LMNTD1: variants seen among roughly 807,000 people sequenced by gnomAD.
The protein encoded by LMNTD1 is lamin tail domain-containing protein 1.
Under a neutral mutation model 50.9 loss-of-function variants are expected in LMNTD1, and 35 were observed. The ratio of observed to expected loss-of-function variants is 0.69; its 90% CI spans 0.53 to 0.91. The LOEUF (loss-of-function observed/expected upper bound fraction) is 0.91, where lower values mean the gene tolerates loss of function less well. LMNTD1 is among the 40% of genes least tolerant of loss of function. The pLI, the probability that LMNTD1 is intolerant of heterozygous loss-of-function variation, is 0.00. For missense variants in LMNTD1, 470 were observed against 475.5 expected, an observed-to-expected ratio of 0.99 and a Z score of 0.11; for synonymous variants, 153 against 161.9, an observed-to-expected ratio of 0.94 and a Z score of 0.42.
intron 1 of LMNTD1, among the ~76,000 whole-genome samples, chr12:25,575,000 G>A (rs773413816): frequency 6.6e-6 from 1 of 152,142 alleles, no homozygotes; most frequent in African/African-American, 2.4e-5. Context: ...CTAAAAGACA[G>A]GCAAAGACCT....
intron 1 of LMNTD1, among the ~76,000 whole-genome samples, chr12:25,620,938 C>T (rs1000339900): frequency 6.6e-6 from 1 of 152,124 alleles, no homozygotes; most frequent in African/African-American, 2.4e-5. Context: ...TGGAGAGAAA[C>T]CAAAGCAATC....
chr12:25,638,953 T>C (rs1254770886), intron 1 of LMNTD1, among the ~76,000 whole-genome samples: 6 of 152,210 alleles, frequency 3.9e-5, no homozygotes, highest in Admixed American at 3.9e-4. Flanking sequence ...TGTGGTCCTC[T>C]GGCAGTGGGT....
intron 1 of LMNTD1, among the ~76,000 whole-genome samples, chr12:25,618,043 A>G (rs1475161019): frequency 6.6e-6 from 1 of 151,966 alleles, no homozygotes; most frequent in Non-Finnish European, 1.5e-5. Flanking sequence ...AACTTATCTC[A>G]TCTGACCCCT....
chr12:25,563,087 T>C (rs1238399421), intron 1 of LMNTD1, among the ~76,000 whole-genome samples: 1 of 152,230 alleles, frequency 6.6e-6, no homozygotes, highest in Non-Finnish European at 1.5e-5. Context: ...TCGAACATCC[T>C]CCTTTAGCTC....
chr12:25,643,339 A>G (rs932129797), intron 1 of LMNTD1, among the ~76,000 whole-genome samples: 2 of 152,332 alleles, frequency 1.3e-5, no homozygotes, highest in East Asian at 1.9e-4. Flanking sequence ...CAGCAAGGCC[A>G]GAGACCCCGA....
chr12:25,628,694 G>A (rs1269748541), intron 1 of LMNTD1, among the ~76,000 whole-genome samples: 1 of 152,144 alleles, frequency 6.6e-6, no homozygotes, highest in Non-Finnish European at 1.5e-5. Context: ...CGACAATGAA[G>A]CAAACATTTG....
upstream of LMNTD1, chr12:25,557,314 A>C (rs1202951159): frequency 6.6e-6 from 1 of 152,140 alleles, no homozygotes. Context: ...TGGAAGTTTC[A>C]AGTTTCAGAC....
chr12:25,506,254 GTGGC>G (rs1245328570), intron 8 of LMNTD1, among the ~76,000 whole-genome samples: 1 of 152,208 alleles, frequency 6.6e-6, no homozygotes, highest in Non-Finnish European at 1.5e-5. Context: ...TTTTCACAGT[GTGGC>G]TTTGCCACAC....
chr12:25,606,124 G>A (rs1016063635), intron 1 of LMNTD1, among the ~76,000 whole-genome samples: 13 of 152,098 alleles, frequency 8.5e-5, no homozygotes, highest in Non-Finnish European at 1.5e-4. Flanking sequence ...TCATGATTTG[G>A]CTCTCTGTTT....
At chr12:25,613,426 A>G (rs928457078) in intron 1 of LMNTD1, among the ~76,000 whole-genome samples, 2 of 152,196 alleles carry the variant, frequency 1.3e-5, no homozygotes, top group Non-Finnish European at 2.9e-5. Flanking sequence ...AGGTTAAAAC[A>G]ATACCTGATC....
intron 8 of LMNTD1, among the ~76,000 whole-genome samples, chr12:25,515,547 G>C (rs1374468707): frequency 6.6e-6 from 1 of 151,972 alleles, no homozygotes; most frequent in Non-Finnish European, 1.5e-5. Context: ...CAATTAAAGG[G>C]AACTTCAAAT....
At chr12:25,619,526 CT>C (rs1299900313) in intron 1 of LMNTD1, among the ~76,000 whole-genome samples, 1 of 152,166 alleles carries the variant, frequency 6.6e-6, no homozygotes, top group Non-Finnish European at 1.5e-5. Flanking sequence ...CCTGGGCCCT[CT>C]TTTCTTGCCT....
chr12:25,483,123 A>T (rs11048065), intron 9 of LMNTD1, among the ~76,000 whole-genome samples: 1,554 of 152,088 alleles, frequency 0.01, 9 homozygotes, highest in Non-Finnish European at 0.015. Flanking sequence ...ACTAAAATGG[A>T]TATAAGAAGT....
chr12:25,576,023 TC>T lies in LMNTD1; in HGVS notation c.59-29470del, dbSNP rs1945004442. Among the ~76,000 whole-genome samples the T allele has an allele frequency of 6.6e-5, 10 of 152,328 alleles. No homozygotes were observed. The South Asian group carries it at 2.1e-3, about 32-fold the overall frequency. On this transcript the variant is annotated intron_variant, in intron 1 of 7. Coordinates refer to the LMNTD1 transcript ENST00000445693. ...TGTCCCTACAAAGGGCAGGAACTCA[TC>T]CTTTTTTATGGCTGCATAGTATTCC...
intron 4 of LMNTD1, among the ~76,000 whole-genome samples, chr12:25,535,918 C>T (rs1323905108): frequency 1.3e-5 from 2 of 152,074 alleles, no homozygotes; most frequent in East Asian, 3.8e-4. Context: ...AAAAAGAAAG[C>T]TCCTGTGGCT....
chr12:25,533,252 C>A (rs528863853), intron 4 of LMNTD1, among the ~76,000 whole-genome samples: 2 of 152,222 alleles, frequency 1.3e-5, no homozygotes, highest in South Asian at 4.1e-4. Context: ...TCTTCCCTGC[C>A]AGCCTTCCCA....
In LMNTD1 at chr12:25,630,329, T is replaced by A. The variant is rs141442731; in HGVS notation, c.58+18165A>T. ...TGGTGGACAGGAGGCAGGACTAGATTGCAGCTCTGACTCGGACAGACAGAG... is the reference window on the plus strand; with the variant it reads ...TGGTGGACAGGAGGCAGGACTAGATAGCAGCTCTGACTCGGACAGACAGAG... On this transcript the variant is annotated intron_variant, in intron 1 of 7. Transcript: ENST00000445693. Among the ~76,000 whole-genome samples, 870 of 152,254 alleles carry A rather than the reference T, an allele frequency of 5.7e-3. 12 individuals carry two copies. The highest frequency in any genetic ancestry group is 0.043 in the South Asian group (208 of 4,804).
At chr12:25,488,081 C>T (rs537514853) in intron 9 of LMNTD1, among the ~76,000 whole-genome samples, 3 of 148,194 alleles carry the variant, frequency 2.0e-5, no homozygotes, top group Non-Finnish European at 3.0e-5. Flanking sequence ...TCCTTCATTT[C>T]AACTTTGGTG....
At chr12:25,493,767 G>T (rs1179668257) in intron 9 of LMNTD1, among the ~76,000 whole-genome samples, 1 of 152,206 alleles carries the variant, frequency 6.6e-6, no homozygotes, top group Non-Finnish European at 1.5e-5. Context: ...TCTACAGAGA[G>T]GTGAGTTCTA....
Sources: gnomAD v4.1 joint callset for allele counts (sites outside exome capture counted in the v4.1 genomes callset) on GRCh38, gnomAD v4.1.1 for gene constraint, MANE v1.5 for transcripts, NCBI Gene and HGNC (gene_info 2026-07-23, HGNC 2026-07-21) for gene names.